ODF2L: variants seen among roughly 807,000 people sequenced by gnomAD.
The protein encoded by ODF2L is outer dense fiber of sperm tails 2 like, also known as protein BCAP.
ODF2L carries 76 observed loss-of-function variants against 86.3 expected under a neutral mutation model. That is an observed-to-expected ratio of 0.88 (90% CI 0.73 to 1.07). The LOEUF (loss-of-function observed/expected upper bound fraction) is 1.07. Ranked by LOEUF, ODF2L falls within the 50% of genes least tolerant of loss-of-function variation. The pLI is 0.00. For synonymous variants in ODF2L, 241 were observed against 231.3 expected (o/e 1.04, Z -0.38); for missense variants, 748 against 717.4 (o/e 1.04, Z -0.49).
intron 7 of ODF2L, among the ~76,000 whole-genome samples, chr1:86,378,464 C>A (rs189710953): frequency 6.6e-6 from 1 of 152,164 alleles, no homozygotes; most frequent in African/African-American, 2.4e-5. Flanking sequence ...TATAGCAATA[C>A]CCCACTCTCT....
chr1:86,360,614 T>A, intron 11 of ODF2L, 78 bp from the exon 11 acceptor site: 1 of 630,460 alleles, frequency 1.6e-6, no homozygotes, highest in South Asian at 2.3e-5. Flanking sequence ...TATAAAAACA[T>A]AACTCATGTA....
At chr1:86,366,391 T>TACACACACACACACACACACACAC (rs71643841) in intron 11 of ODF2L, among the ~76,000 whole-genome samples, 1 of 119,296 alleles carries the variant, frequency 8.4e-6, no homozygotes, top group African/African-American at 3.3e-5. Flanking sequence ...AGACCCCACC[T>TACACACACACACACACACACACAC]ACACACACAC....
At chr1:86,351,924 CATTT>C in exon 18 of ODF2L, 1 of 1,178,420 alleles carries the variant, frequency 8.5e-7, no homozygotes, top group Non-Finnish European at 1.1e-6. Context: ...AAACCCACCT[CATTT>C]ATTTTTTCAG....
exon 16 of ODF2L, chr1:86,354,585 T>C (rs1658394932): frequency 6.2e-7 from 1 of 1,608,300 alleles, no homozygotes; most frequent in Non-Finnish European, 8.5e-7. Context: ...TGCTGTATAC[T>C]CTGCAGATTT....
intron 11 of ODF2L, among the ~76,000 whole-genome samples, chr1:86,362,054 A>G (rs1330863346): frequency 6.6e-6 from 1 of 152,148 alleles, no homozygotes; most frequent in Non-Finnish European, 1.5e-5. Flanking sequence ...TGTTTAAGGG[A>G]AAAAGACAAC....
At chr1:86,390,292 G>A (rs963281841) in intron 1 of ODF2L, among the ~76,000 whole-genome samples, 3 of 151,984 alleles carry the variant, frequency 2.0e-5, no homozygotes, top group Admixed American at 6.6e-5. Context: ...ATCGTGGCGG[G>A]TGCCTGTAAT....
At chr1:86,359,077 T>C (rs922702574) in intron 12 of ODF2L, among the ~76,000 whole-genome samples, 186 bp from the exon 12 acceptor site, 1 of 152,160 alleles carries the variant, frequency 6.6e-6, no homozygotes, top group African/African-American at 2.4e-5. Flanking sequence ...CCACAATCTT[T>C]GTCTGATTTA....
At chr1:86,388,382 C>A (rs1157270444) in intron 1 of ODF2L, among the ~76,000 whole-genome samples, 1 of 152,038 alleles carries the variant, frequency 6.6e-6, no homozygotes. Context: ...ATACAGAAAG[C>A]AACTGGTACC....
exon 8 of ODF2L, chr1:86,376,373 T>A (rs770463848): frequency 6.2e-7 from 1 of 1,608,354 alleles, no homozygotes; most frequent in Non-Finnish European, 8.5e-7. Context: ...TCATTCTTAT[T>A]CATTCTTGAT....
chr1:86,361,231 A>G (rs1177946029), intron 11 of ODF2L, among the ~76,000 whole-genome samples: 1 of 152,254 alleles, frequency 6.6e-6, no homozygotes, highest in Non-Finnish European at 1.5e-5. Flanking sequence ...TATTACTCAC[A>G]GCAATAAGAG....
At chr1:86,384,639 T>C (rs1029522051) in intron 4 of ODF2L, 37 bp downstream of exon 4, 4 of 1,254,852 alleles carry the variant, frequency 3.2e-6, no homozygotes, top group African/African-American at 1.5e-5. Context: ...ATGAGAAATA[T>C]CACTATTAAA....
Position 86,384,710 on chromosome 1 carries a change from A to G in ODF2L, c.338T>C (p.Leu113Ser), listed in dbSNP as rs1343322319. ...GTCTCTCTTTCTAAGAAGATGTTCT[A>G]AAGCTAGTTTTACACTTTTGAAGGT... The change falls in exon 4 of 18, where the codon TTA (leucine) becomes TCA (serine). Residue 113 changes from leucine (L) to serine (S), a missense_variant. Coordinates refer to ENST00000317336, the Ensembl canonical transcript of ODF2L. 3.3e-6 allele frequency: 5 copies of G among 1,526,892 alleles called. No individual in the cohort carries two copies. The South Asian group carries it at 5.2e-5, about 16-fold the overall frequency. 94.6% of individuals were successfully genotyped at this position (1,526,892 alleles called of 1,614,324 possible).
chr1:86,367,567 C>T (rs272503), intron 11 of ODF2L, among the ~76,000 whole-genome samples: 1 of 143,332 alleles, frequency 7.0e-6, no homozygotes, highest in African/African-American at 2.7e-5. Flanking sequence ...AAAAAAAAAA[C>T]AAAACAACAA....
intron 17 of ODF2L, 151 bp downstream of exon 16, chr1:86,352,708 A>G (rs3765509): frequency 0.015 from 7,640 of 493,364 alleles, 366 homozygotes; most frequent in East Asian, 0.14. Flanking sequence ...TTGGCATATC[A>G]TAACATTTTT....
chr1:86,357,309 G>A (rs918299844), intron 13 of ODF2L, among the ~76,000 whole-genome samples: 3 of 151,452 alleles, frequency 2.0e-5, no homozygotes, highest in African/African-American at 7.3e-5. Context: ...AATAGTTTCT[G>A]TGTAGTATCT....
intron 13 of ODF2L, chr1:86,358,174 AT>A: frequency 1.4e-6 from 1 of 700,878 alleles, no homozygotes; most frequent in Non-Finnish European, 1.8e-6. Flanking sequence ...CTAACATCGC[AT>A]GACCTCTGCT....
exon 16 of ODF2L, chr1:86,354,562 G>C: frequency 6.2e-7 from 1 of 1,606,104 alleles, no homozygotes. Flanking sequence ...GCAGCTTCCA[G>C]TTGTCTGGCC....
In ODF2L at chr1:86,354,799, G is replaced by A. The variant is rs770077900; in HGVS notation, c.1579C>T (p.Gln527Ter). 1.9e-6 allele frequency: 3 copies of A among 1,604,278 alleles called. No individual in the cohort carries two copies. The highest frequency in any genetic ancestry group is 4.5e-5 in the East Asian group (2 of 44,782). The change falls in exon 15 of 18, where the codon CAG (glutamine) becomes TAG (stop). Residue 527 changes from glutamine to a stop codon, truncating the protein, a stop_gained. Transcript: ENST00000317336. LOFTEE classifies it high-confidence loss of function. Reference sequence around the variant, plus strand: ...TGTTGAAGGTTTTCACACTTCAGCTGAATAAGACAGTTTTCCTCTTCCAGA... The same window carrying A: ...TGTTGAAGGTTTTCACACTTCAGCTAAATAAGACAGTTTTCCTCTTCCAGA...
chr1:86,356,521 C>G, exon 14 of ODF2L: 1 of 1,614,092 alleles, frequency 6.2e-7, no homozygotes, highest in Non-Finnish European at 8.5e-7. Flanking sequence ...TCCTGACACT[C>G]GTGAAGCCTC....
Sources: gnomAD v4.1 joint callset for allele counts (sites outside exome capture counted in the v4.1 genomes callset) on GRCh38, gnomAD v4.1.1 for gene constraint, MANE v1.5 for transcripts, NCBI Gene and HGNC (gene_info 2026-07-23, HGNC 2026-07-21) for gene names.